Variants in PCNX1 observed in about 807,000 individuals in gnomAD.
PCNX1 encodes the protein pecanex-like protein 1.
In PCNX1, 78 loss-of-function variants were observed where a neutral mutation model predicts 242.2. That is an observed-to-expected ratio of 0.32 (90% CI 0.27 to 0.39). PCNX1 has a LOEUF of 0.39. PCNX1 is among the 10% of genes least tolerant of loss of function. The pLI, the probability that PCNX1 is intolerant of heterozygous loss-of-function variation, is 1.00. For synonymous variants in PCNX1, 1,024 were observed against 1,032.9 expected (o/e 0.99, Z 0.17); for missense variants, 2,581 against 2,856.5 (o/e 0.90, Z 2.20).
rs960685852 is a variant in PCNX1, at chr14:71,113,291, T to A, written c.*3356T>A. 1 of 152,430 alleles carries A rather than the reference T, an allele frequency of 6.6e-6. No homozygotes were observed. Among genetic ancestry groups the A allele is most frequent in the African/African-American group, 2.4e-5 (1 of 41,446 alleles). The allele number at this position is 152,430 out of a possible 1,614,324, so 9.4% of individuals were successfully genotyped here. The stretch of plus-strand genomic sequence containing the variant: ...GAAAATATTTCAAGTATATCTGAAC[T>A]ACTTATAATTCTTAAAACAGAAGTA... On this transcript the variant is annotated 3_prime_UTR_variant, in exon 36 of 36. Transcript: ENST00000304743.
chr14:70,924,651 A>G (rs2056516777), intron 1 of PCNX1, among the ~76,000 whole-genome samples: 1 of 151,960 alleles, frequency 6.6e-6, no homozygotes, highest in South Asian at 2.1e-4. Context: ...GCATGGCGTG[A>G]TCATGGTTCA....
chr14:71,102,388 A>G lies in PCNX1; in HGVS notation c.5820+168A>G, dbSNP rs535023861. Among the ~76,000 whole-genome samples, 60 of 151,904 alleles carry G rather than the reference A, an allele frequency of 3.9e-4. No individual in the cohort carries two copies. In the South Asian group the frequency reaches 8.7e-3, roughly 22 times the overall value. On this transcript the variant is annotated intron_variant, in intron 31 of 35. Transcript: ENST00000304743. ...ACCTCCCTTTGCTCCACCTCAGCCT[A>G]TCGAGAAGCTGGGACTACAGACATG...
At chr14:70,932,354 AC>A (rs1364117985) in intron 1 of PCNX1, among the ~76,000 whole-genome samples, 1 of 152,156 alleles carries the variant, frequency 6.6e-6, no homozygotes, top group African/African-American at 2.4e-5. Context: ...AGAAATGTAA[AC>A]TTCGGGGTAT....
At chr14:71,083,418 G>C (rs1157749848) in intron 28 of PCNX1, among the ~76,000 whole-genome samples, 1 of 152,092 alleles carries the variant, frequency 6.6e-6, no homozygotes, top group Non-Finnish European at 1.5e-5. Context: ...GGCTGGGGAA[G>C]TTCTAGGTAA....
At chr14:71,036,016 T>G (rs1055669047) in intron 18 of PCNX1, 49 bp from the exon 19 acceptor site, 2 of 1,296,164 alleles carry the variant, frequency 1.5e-6, no homozygotes, top group South Asian at 1.3e-5. Context: ...GGAAAAAGAT[T>G]TTTAAAAATT....
At chr14:71,011,723 T>C in intron 10 of PCNX1, 174 bp downstream of exon 10, 1 of 577,706 alleles carries the variant, frequency 1.7e-6, no homozygotes, top group Non-Finnish European at 3.1e-6. Context: ...TCTAAGTCCT[T>C]TGATAAGAAA....
intron 28 of PCNX1, among the ~76,000 whole-genome samples, chr14:71,077,905 G>C (rs1293833067): frequency 1.3e-5 from 2 of 152,084 alleles, no homozygotes; most frequent in African/African-American, 4.8e-5. Context: ...ATTTTGTTAT[G>C]AGTTAATCAT....
chr14:71,001,284 T>G (rs2059499437), intron 8 of PCNX1, among the ~76,000 whole-genome samples: 1 of 152,172 alleles, frequency 6.6e-6, no homozygotes, highest in South Asian at 2.1e-4. Context: ...GGGTAAATAA[T>G]GTTGAAATGG....
At chr14:71,046,813 A>G (rs956825220) in intron 20 of PCNX1, 151 bp from the exon 21 acceptor site, 4 of 523,302 alleles carry the variant, frequency 7.6e-6, no homozygotes, top group African/African-American at 1.9e-5. Context: ...CTCAGAGCTC[A>G]TAGAAGTTGA....
chr14:71,033,351 A>G, intron 16 of PCNX1, 78 bp from the exon 17 acceptor site: 3 of 706,608 alleles, frequency 4.2e-6, no homozygotes, highest in East Asian at 2.7e-5. Context: ...GTCTTTTTCC[A>G]AAATACGTAC....
In PCNX1 at chr14:71,073,679, G is replaced by A; in HGVS notation, c.4987G>A (p.Ala1663Thr). The A allele has an allele frequency of 6.2e-7, 1 of 1,614,068 alleles. No individual in the cohort carries two copies. Among genetic ancestry groups the A allele is most frequent in the Non-Finnish European group, 8.5e-7 (1 of 1,179,970 alleles). The change falls in exon 27 of 36, where the codon GCT (alanine) becomes ACT (threonine). Residue 1663 changes from alanine to threonine, a missense_variant. Transcript: ENST00000304743. ...FNAAFSQRWLAWEVIVTKYIL... is the reference protein window; with the variant it reads ...FNAAFSQRWLTWEVIVTKYIL... Reference sequence around the variant, plus strand: ...TGCTGCATTTAGCCAGCGATGGCTAGCTTGGGAAGTGATAGTCACAAAGTA... The same window carrying A: ...TGCTGCATTTAGCCAGCGATGGCTAACTTGGGAAGTGATAGTCACAAAGTA...
At chr14:71,075,753 C>G (rs886933048) in intron 27 of PCNX1, among the ~76,000 whole-genome samples, 1 of 151,994 alleles carries the variant, frequency 6.6e-6, no homozygotes, top group African/African-American at 2.4e-5. Flanking sequence ...AAAAATTTAT[C>G]TGGGTGTGGT....
At chr14:71,108,051 T>G (rs1298845586) in intron 33 of PCNX1, among the ~76,000 whole-genome samples, 3 of 152,186 alleles carry the variant, frequency 2.0e-5, no homozygotes, top group African/African-American at 7.2e-5. Flanking sequence ...CCTCCAGAGC[T>G]TGTTCCTCTT....
chr14:70,939,425 CAT>C (rs2057143381), intron 1 of PCNX1, among the ~76,000 whole-genome samples: 3 of 152,266 alleles, frequency 2.0e-5, no homozygotes, highest in Admixed American at 6.5e-5. Context: ...GTACAGTTTC[CAT>C]GTAGTTGAGT....
At chr14:70,910,038 C>CCTCCTT in intron 1 of PCNX1, among the ~76,000 whole-genome samples, 7 of 70,668 alleles carry the variant, frequency 9.9e-5, no homozygotes, top group Admixed American at 2.5e-4. Flanking sequence ...CCTCCCTCCT[C>CCTCCTT]CTCCTCCTCC....
chr14:70,934,224 C>G (rs2056912573), intron 1 of PCNX1, among the ~76,000 whole-genome samples: 1 of 152,090 alleles, frequency 6.6e-6, no homozygotes, highest in Non-Finnish European at 1.5e-5. Context: ...ATAGCTTGAA[C>G]CTATTACTCC....
At chr14:70,930,056 T>A (rs1388857688) in intron 1 of PCNX1, among the ~76,000 whole-genome samples, 1 of 152,174 alleles carries the variant, frequency 6.6e-6, no homozygotes, top group African/African-American at 2.4e-5. Context: ...TCTTCATCCC[T>A]TATTTTTCAT....
At chr14:71,038,691 A>G (rs2060617946) in intron 19 of PCNX1, among the ~76,000 whole-genome samples, 1 of 151,914 alleles carries the variant, frequency 6.6e-6, no homozygotes, top group Admixed American at 6.6e-5. Flanking sequence ...AGAACTAGAA[A>G]TACCATTTGA....
chr14:71,062,943 A>G (rs2061362677), intron 26 of PCNX1, among the ~76,000 whole-genome samples: 1 of 152,190 alleles, frequency 6.6e-6, no homozygotes, highest in African/African-American at 2.4e-5. Flanking sequence ...CGTTAGTGAC[A>G]TTATTCAGTA....
Sources: gnomAD v4.1 joint callset for allele counts (sites outside exome capture counted in the v4.1 genomes callset) on GRCh38, gnomAD v4.1.1 for gene constraint, MANE v1.5 for transcripts, NCBI Gene and HGNC (gene_info 2026-07-23, HGNC 2026-07-21) for gene names.